OTOF: variants seen among roughly 807,000 people sequenced by gnomAD.
OTOF encodes otoferlin.
A neutral mutation model predicts 236.8 loss-of-function variants in OTOF; 218 were observed. That is an observed-to-expected ratio of 0.92 (90% CI 0.82 to 1.03). The LOEUF (loss-of-function observed/expected upper bound fraction) is 1.03, where lower values mean the gene tolerates loss of function less well. OTOF is among the 50% of genes least tolerant of loss of function. The pLI is 0.00. For missense variants in OTOF, 2,590 were observed against 2,694.4 expected (o/e 0.96, Z 0.86); for synonymous variants, 1,041 against 1,072.5 (o/e 0.97, Z 0.57).
At chr2:26,465,555 G>A (rs565061330) in intron 38 of OTOF, 117 bp downstream of exon 38, 1 of 1,125,234 alleles carries the variant, frequency 8.9e-7, no homozygotes, top group Non-Finnish European at 1.3e-6. Flanking sequence ...GCAGAGGCCT[G>A]GCCTGGGACA....
chr2:26,523,612 G>A (rs1218670433), intron 3 of OTOF, among the ~76,000 whole-genome samples: 1 of 152,182 alleles, frequency 6.6e-6, no homozygotes, highest in Non-Finnish European at 1.5e-5. Flanking sequence ...GGGCCACTCC[G>A]ATTCCCTCTC....
intron 2 of OTOF, among the ~76,000 whole-genome samples, chr2:26,537,426 G>T (rs1210302672): frequency 1.3e-5 from 2 of 152,230 alleles, no homozygotes; most frequent in African/African-American, 4.8e-5. Context: ...TCTCCACAGG[G>T]AATAACAGGC....
intron 1 of OTOF, among the ~76,000 whole-genome samples, chr2:26,543,098 G>A (rs78101060): frequency 0.014 from 2,066 of 152,292 alleles, 52 homozygotes; most frequent in African/African-American, 0.047. Context: ...AAGCTCCCAT[G>A]TCCTGGCGTC....
intron 1 of OTOF, among the ~76,000 whole-genome samples, chr2:26,551,900 T>C (rs1667470911): frequency 6.6e-6 from 1 of 152,104 alleles, no homozygotes; most frequent in East Asian, 1.9e-4. Flanking sequence ...ACTGAATATT[T>C]ACAGATGGAA....
chr2:26,487,897 T>G (rs1233418061), intron 11 of OTOF, among the ~76,000 whole-genome samples: 4 of 152,198 alleles, frequency 2.6e-5, no homozygotes, highest in Admixed American at 1.3e-4. Flanking sequence ...CTATGGCATG[T>G]GTGGGGTGGT....
At chr2:26,466,974 G>C in intron 35 of OTOF, 123 bp from the exon 36 acceptor site, 1 of 1,560,530 alleles carries the variant, frequency 6.4e-7, no homozygotes, top group Non-Finnish European at 8.8e-7. Flanking sequence ...TAACTGCTGA[G>C]TCATGGGAGA....
chr2:26,467,545 C>T (rs370395688), intron 33 of OTOF, 44 bp from the exon 34 acceptor site: 311 of 1,601,332 alleles, frequency 1.9e-4, no homozygotes, highest in Non-Finnish European at 2.5e-4. Context: ...ATGAGCAGAG[C>T]AGGAAGGCCT....
chr2:26,545,694 A>G (rs1015795382), intron 1 of OTOF, among the ~76,000 whole-genome samples: 4 of 152,206 alleles, frequency 2.6e-5, no homozygotes, highest in African/African-American at 7.2e-5. Flanking sequence ...GTTTAATTCT[A>G]TAATCCATCT....
Position 26,474,610 on chromosome 2 carries a change from T to C in OTOF, c.3191A>G (p.Tyr1064Cys). ...KPLVKMADEA[Y>C]CPPRFPPQLE... ...CTGAGGTGGGAAGCGGGGTGGGCAG[T>C]ACGCCTCGTCTGCCATCTTCACCAG... The change falls in exon 26 of 47, where the codon TAC becomes TGC. Residue 1064 changes from tyrosine to cysteine, a missense_variant. This residue lies in a region of OTOF where 1,211 missense variants were observed against 1,352.8 expected (regional missense o/e 0.90). Transcript: ENST00000272371. 6.2e-7 allele frequency: 1 copy of C among 1,613,220 alleles called. No individual in the cohort carries two copies. The highest frequency in any genetic ancestry group is 8.5e-7 in the Non-Finnish European group (1 of 1,179,936).
intron 3 of OTOF, 67 bp downstream of exon 3, chr2:26,527,765 G>T: frequency 1.8e-6 from 2 of 1,142,158 alleles, no homozygotes; most frequent in South Asian, 1.2e-5. Flanking sequence ...ACAGAGGGTA[G>T]CCCAAGGAGA....
chr2:26,506,865 C>T (rs189581683), intron 5 of OTOF, among the ~76,000 whole-genome samples: 7 of 152,262 alleles, frequency 4.6e-5, no homozygotes, highest in African/African-American at 1.7e-4. Context: ...GTGGCACATG[C>T]CTGTAATCCC....
intron 18 of OTOF, among the ~76,000 whole-genome samples, chr2:26,478,802 G>A (rs944256912): frequency 6.6e-6 from 1 of 152,166 alleles, no homozygotes; most frequent in African/African-American, 2.4e-5. Flanking sequence ...GGGTTCAAGC[G>A]ATTCTCCTGC....
In OTOF at chr2:26,466,070, C is replaced by A. The variant is rs764297506; in HGVS notation, c.4507G>T (p.Asp1503Tyr). Residue 1503 changes from aspartate to tyrosine, a missense_variant, in exon 37 of 47, where the codon GAC becomes TAC. By Grantham distance (160) the Asp-to-Tyr change is radical. Transcript: ENST00000272371. ...CCGTTGATGTCAGCAGGGTGCAGGTCCGTGGCCTGGAATGGGGAGAAGGGC... is the reference window on the plus strand; with the variant it reads ...CCGTTGATGTCAGCAGGGTGCAGGTACGTGGCCTGGAATGGGGAGAAGGGC... ...LVRVYVVRAT[D>Y]LHPADINGKA... 3 of 1,614,120 alleles carry A rather than the reference C, an allele frequency of 1.9e-6. No homozygotes were observed. The South Asian group carries it at 3.3e-5, about 18-fold the overall frequency.
Position 26,489,287 on chromosome 2 carries a change from G to A in OTOF, c.969C>T (p.His323=), listed in dbSNP as rs773824437. 54 of 1,612,042 alleles carry A rather than the reference G, an allele frequency of 3.3e-5. No homozygotes were observed. The highest frequency in any genetic ancestry group is 4.5e-5 in the Non-Finnish European group (53 of 1,179,340). ...TGCCACTGCGCAGCAGGTTCTTGGA[G>A]TGAATCACCTTTCAGGCAGAACCAC... ...FDKIIKISVI[H]SKNLLRSGTL... is the part of the protein sequence containing the mutation. Residue 323 remains histidine, a synonymous_variant, in exon 11 of 47, where the codon CAC becomes CAT. Transcript: ENST00000272371.
At chr2:26,468,698 T>C (rs997603725) in intron 32 of OTOF, among the ~76,000 whole-genome samples, 1 of 152,190 alleles carries the variant, frequency 6.6e-6, no homozygotes, top group Non-Finnish European at 1.5e-5. Context: ...GTGGCACATA[T>C]ACACCATGGA....
chr2:26,476,493 T>TCCCCACCCCTTCCCCCACCTCCTC (rs1665279189), intron 22 of OTOF, among the ~76,000 whole-genome samples, 176 bp from the exon 23 acceptor site: 1 of 131,330 alleles, frequency 7.6e-6, no homozygotes. Flanking sequence ...CATGCCCCCT[T>TCCCCACCCCTTCCCCCACCTCCTC]CCCCACCCCT....
At chr2:26,467,953 A>G (rs1181724079) in intron 33 of OTOF, among the ~76,000 whole-genome samples, 2 of 152,256 alleles carry the variant, frequency 1.3e-5, no homozygotes, top group East Asian at 1.9e-4. Flanking sequence ...AATATTTTAT[A>G]CTGTGTCTTC....
In OTOF at chr2:26,457,939, C is replaced by T. The variant is rs572551524; in HGVS notation, c.*299G>A. 134 of 1,229,704 alleles carry T rather than the reference C, an allele frequency of 1.1e-4. No individual in the cohort carries two copies. The African/African-American group carries it at 1.3e-3, about 12-fold the overall frequency. The allele number at this position is 1,229,704 out of a possible 1,614,324, so 76.2% of individuals were successfully genotyped here. On this transcript the variant is annotated 3_prime_UTR_variant, in exon 47 of 47. Coordinates refer to ENST00000272371, the MANE Select transcript of OTOF (RefSeq NM_194248.3). The surrounding 1 kb of genome is among the most constrained non-coding windows in gnomAD (Gnocchi z 4.4). The stretch of plus-strand genomic sequence containing the variant: ...CTCGGCCCAAGGCATGAAGAGTGGA[C>T]GCTGGGCTCCTCAGGCTCCCCAGGG...
chr2:26,537,436 C>T (rs1318357054), intron 2 of OTOF, among the ~76,000 whole-genome samples: 1 of 152,226 alleles, frequency 6.6e-6, no homozygotes, highest in African/African-American at 2.4e-5. Flanking sequence ...GAATAACAGG[C>T]CCAGACCCAG....
Sources: allele counts gnomAD v4.1 joint callset (sites outside exome capture counted in the v4.1 genomes callset), GRCh38; gene constraint gnomAD v4.1.1; regional missense constraint gnomAD v4.1.1; non-coding constraint Gnocchi (gnomAD v3.1); transcripts MANE v1.5; gene names NCBI Gene and HGNC (gene_info 2026-07-23, HGNC 2026-07-21).